RTF1: variants seen among roughly 807,000 people sequenced by gnomAD.
The protein encoded by RTF1 is RTF1 homolog, Paf1/RNA polymerase II complex component, also known as RNA polymerase-associated protein RTF1 homolog.
In RTF1, 10 loss-of-function variants were observed where a neutral mutation model predicts 95.7. That is an observed-to-expected ratio of 0.10 (90% CI 0.06 to 0.18). The LOEUF (loss-of-function observed/expected upper bound fraction) is 0.18, where lower values mean the gene tolerates loss of function less well. Among genes scored for constraint, RTF1 ranks in the 10% least tolerant of loss-of-function variants. The probability of loss-of-function intolerance (pLI) is 1.00; values close to 1 mark genes in which losing one functional copy is unlikely to be tolerated. For synonymous variants in RTF1, 305 were observed against 311.8 expected (o/e 0.98, Z 0.23); for missense variants, 458 against 875.6 (o/e 0.52, Z 6.02).
At position 41,470,371 on chromosome 15, in the gene RTF1, C is replaced by T. The variant is rs1265082781; in HGVS notation, c.1004C>T (p.Ser335Leu). 7 of 1,614,146 alleles carry T rather than the reference C, an allele frequency of 4.3e-6. No individual in the cohort carries two copies. The highest frequency in any genetic ancestry group is 5.9e-6 in the Non-Finnish European group (7 of 1,180,020). Residue 335 changes from serine to leucine, a missense_variant, in exon 7 of 18, where the codon TCA (serine) becomes TTA (leucine). Ser to Leu is a moderately radical substitution (Grantham distance 145). This residue lies in a region of RTF1 where 150 missense variants were observed against 275.7 expected (regional missense o/e 0.54). Transcript: ENST00000389629. The stretch of plus-strand genomic sequence containing the variant: ...AAGTCAGACCGCTCATCACGAACAT[C>T]ATCGTCTGATGAAGAAGAGGAGTAA... ...SEKSDRSSRT[S>L]SSDEEEEKEE...
chr15:41,428,727 C>G (rs933502899), intron 1 of RTF1, among the ~76,000 whole-genome samples: 1 of 151,728 alleles, frequency 6.6e-6, no homozygotes, highest in Non-Finnish European at 1.5e-5. Context: ...TGTGTGCCAC[C>G]ATGCCCAGCT....
rs920369115 is a variant in RTF1 at position 41,435,378 on chromosome 15, G to T, written c.199-2943G>T. 1.9e-3 allele frequency among the ~76,000 whole-genome samples: 266 copies of T among 141,840 alleles called. 1 individual carries two copies. The highest frequency in any genetic ancestry group is 8.1e-3 in the South Asian group (35 of 4,340). The allele number at this position is 141,840 out of a possible 152,430, so 93.1% of individuals were successfully genotyped here. ...ACCTCAAGTTTGGGTTTTTTGTTTT[G>T]TTTTTTTTTTTATAGAGACTGGGTC... On this transcript the variant is annotated intron_variant, in intron 1 of 17. Coordinates refer to ENST00000389629, the MANE Select transcript of RTF1 (RefSeq NM_015138.5).
chr15:41,450,924 G>T lies in RTF1; in HGVS notation c.310-1977G>T, dbSNP rs563834076. ...TATCATCCTGCTGCCCTGCACTCCA[G>T]CCTGGGTGACAAACGAGACCCTGGC... On this transcript the variant is annotated intron_variant, in intron 2 of 17. Coordinates refer to ENST00000389629, the MANE Select transcript of RTF1 (RefSeq NM_015138.5). 5.9e-5 allele frequency among the ~76,000 whole-genome samples: 9 copies of T among 152,224 alleles called. No homozygotes were observed. The East Asian group carries it at 1.7e-3, about 29-fold the overall frequency.
At chr15:41,474,835 G>C in intron 9 of RTF1, 133 bp downstream of exon 9, 1 of 716,408 alleles carries the variant, frequency 1.4e-6, no homozygotes, top group Non-Finnish European at 2.5e-6. Context: ...GGTACACTTG[G>C]AGGGAGACTT....
intron 2 of RTF1, among the ~76,000 whole-genome samples, chr15:41,445,038 TCTC>T (rs1171614001): frequency 6.6e-6 from 1 of 152,132 alleles, no homozygotes; most frequent in Non-Finnish European, 1.5e-5. Flanking sequence ...TTCACGCCGT[TCTC>T]CTGCCTCAGC....
intron 4 of RTF1, among the ~76,000 whole-genome samples, chr15:41,458,810 A>G (rs1279501370): frequency 1.3e-5 from 2 of 151,246 alleles, no homozygotes; most frequent in South Asian, 2.1e-4. Context: ...GGTGGCTCAC[A>G]CTGGTAATCC....
At chr15:41,473,665 C>G (rs548879634) in intron 8 of RTF1, among the ~76,000 whole-genome samples, 87 of 152,078 alleles carry the variant, frequency 5.7e-4, no homozygotes, top group Non-Finnish European at 1.1e-3. Context: ...TGGACTCAAA[C>G]GATCCTCCTA....
chr15:41,443,300 T>G (rs1174589571), intron 2 of RTF1, among the ~76,000 whole-genome samples: 1 of 151,176 alleles, frequency 6.6e-6, no homozygotes, highest in Non-Finnish European at 1.5e-5. Context: ...TGTAGCTTGG[T>G]GGGGGGAAAC....
chr15:41,422,070 T>C (rs2050605459), intron 1 of RTF1, among the ~76,000 whole-genome samples: 1 of 152,168 alleles, frequency 6.6e-6, no homozygotes, highest in Non-Finnish European at 1.5e-5. Flanking sequence ...AGTCTCACTC[T>C]ATCGCCCAGA....
chr15:41,433,116 C>G (rs1318371897), intron 1 of RTF1, among the ~76,000 whole-genome samples: 2 of 147,080 alleles, frequency 1.4e-5, no homozygotes, highest in Non-Finnish European at 3.0e-5. Flanking sequence ...GGTGTGGTGG[C>G]GTGCACCTAT....
intron 1 of RTF1, among the ~76,000 whole-genome samples, chr15:41,426,202 T>C (rs2050628438): frequency 1.3e-5 from 2 of 152,108 alleles, no homozygotes; most frequent in Admixed American, 1.3e-4. Context: ...CTTGGCTCAC[T>C]GCAACCTCCG....
In RTF1 at chr15:41,482,439, G is replaced by GA. The variant is rs2050982261; in HGVS notation, c.*1755dup. 6.6e-6 allele frequency: 1 copy of GA among 152,494 alleles called. No individual in the cohort carries two copies. Among genetic ancestry groups the GA allele is most frequent in the South Asian group, 2.1e-4 (1 of 4,836 alleles). The allele number at this position is 152,494 out of a possible 1,614,324, so 9.4% of individuals were successfully genotyped here. Reference sequence around the variant, plus strand: ...TTCGTACAAGGAAGGGGGACGATGGGAAATCATGGACTTGTAAGTTGTATT... The same window carrying GA: ...TTCGTACAAGGAAGGGGGACGATGGGAAAATCATGGACTTGTAAGTTGTATT... On this transcript the variant is annotated 3_prime_UTR_variant, in exon 18 of 18. Coordinates refer to ENST00000389629, the MANE Select transcript of RTF1 (RefSeq NM_015138.5).
At chr15:41,468,894 G>A (rs192041728) in intron 6 of RTF1, among the ~76,000 whole-genome samples, 47 of 152,192 alleles carry the variant, frequency 3.1e-4, no homozygotes, top group Admixed American at 2.8e-3. Context: ...GAATATCCTT[G>A]TGAACTCATC....
intron 6 of RTF1, among the ~76,000 whole-genome samples, chr15:41,467,917 C>T (rs1272707291): frequency 6.6e-6 from 1 of 152,030 alleles, no homozygotes; most frequent in Non-Finnish European, 1.5e-5. Flanking sequence ...GTAATCCCAG[C>T]ACTTTGTGAG....
rs1057326191 is a variant in RTF1 at position 41,417,101 on chromosome 15, C to T, written c.-15C>T. 37 of 1,232,844 alleles carry T rather than the reference C, an allele frequency of 3.0e-5. No homozygotes were observed. Among genetic ancestry groups the T allele is most frequent in the Admixed American group, 1.7e-4 (4 of 23,448 alleles). The allele number at this position is 1,232,844 out of a possible 1,614,324, so 76.4% of individuals were successfully genotyped here. A position where few individuals can be genotyped will look rare whatever the true frequency, so the allele number is the denominator to read the frequency against. ...CGAGCAGGGGGCGGGGCCAGGGGGG[C>T]GGAGCGGAGCGCGCATGCGCGGTCG... is the stretch of plus-strand genomic sequence containing the variant. On this transcript the variant is annotated 5_prime_UTR_variant, in exon 1 of 18. Coordinates refer to ENST00000389629, the MANE Select transcript of RTF1 (RefSeq NM_015138.5).
intron 8 of RTF1, among the ~76,000 whole-genome samples, chr15:41,472,495 C>G (rs558938407): frequency 6.6e-6 from 1 of 151,950 alleles, no homozygotes; most frequent in Non-Finnish European, 1.5e-5. Context: ...ACATGAGCCA[C>G]TGAGCCCGGC....
chr15:41,422,653 T>C (rs1343597107), intron 1 of RTF1, among the ~76,000 whole-genome samples: 1 of 152,262 alleles, frequency 6.6e-6, no homozygotes, highest in Non-Finnish European at 1.5e-5. Flanking sequence ...TGGGATGCTT[T>C]ATTTTATAGG....
intron 3 of RTF1, among the ~76,000 whole-genome samples, chr15:41,455,082 A>G (rs1379672157): frequency 6.6e-6 from 1 of 152,076 alleles, no homozygotes; most frequent in Non-Finnish European, 1.5e-5. Context: ...TTGGGAGGCC[A>G]AGGCAGGCGG....
chr15:41,429,341 T>G (rs2140947127), intron 1 of RTF1, among the ~76,000 whole-genome samples: 1 of 152,330 alleles, frequency 6.6e-6, no homozygotes, highest in South Asian at 2.1e-4. Flanking sequence ...TCCCTGTGGC[T>G]ACTTGTTTAA....
Sources: allele counts gnomAD v4.1 joint callset (sites outside exome capture counted in the v4.1 genomes callset), GRCh38; gene constraint gnomAD v4.1.1; regional missense constraint gnomAD v4.1.1; transcripts MANE v1.5; gene names NCBI Gene and HGNC (gene_info 2026-07-23, HGNC 2026-07-21).